SPATA7: variants seen among roughly 807,000 people sequenced by gnomAD.
SPATA7 encodes spermatogenesis-associated protein 7.
In SPATA7, 43 loss-of-function variants were observed where a neutral mutation model predicts 51.8. The observed-to-expected ratio is 0.83, with a 90% CI of 0.65 to 1.07. The LOEUF (loss-of-function observed/expected upper bound fraction) is 1.07, where lower values mean the gene tolerates loss of function less well. SPATA7 is among the 50% of genes least tolerant of loss of function. SPATA7 has a pLI of 0.00. For synonymous variants in SPATA7, 230 were observed against 252.8 expected, an observed-to-expected ratio of 0.91 and a Z score of 0.86; for missense variants, 683 against 701.3, an observed-to-expected ratio of 0.97 and a Z score of 0.30.
At chr14:88,439,052 A>G (rs982973753), downstream of SPATA7, among the ~76,000 whole-genome samples, 1 of 152,176 alleles carries the variant, frequency 6.6e-6, no homozygotes, top group African/African-American at 2.4e-5. Flanking sequence ...TGCTGGCCAC[A>G]ATTTCTAAAA....
chr14:88,464,055 GGTCT>G (rs1210996636), intron 4 of SPATA7, among the ~76,000 whole-genome samples: 2 of 151,876 alleles, frequency 1.3e-5, no homozygotes, highest in Non-Finnish European at 2.9e-5. Context: ...TGGCCAGGCT[GGTCT>G]CATACTCCTG....
chr14:88,437,050 T>A (rs2077108371), intron 10 of SPATA7, among the ~76,000 whole-genome samples: 1 of 151,926 alleles, frequency 6.6e-6, no homozygotes, highest in Non-Finnish European at 1.5e-5. Context: ...ATTCTTCCAA[T>A]CCATGAATTT....
Position 88,417,058 on chromosome 14 carries a change from G to A in SPATA7, c.372+214G>A, listed in dbSNP as rs369763876. On this transcript the variant is annotated intron_variant, in intron 5 of 11. Coordinates refer to ENST00000393545, the MANE Select transcript of SPATA7 (RefSeq NM_018418.5). ...AGTACATAAATAAATGAGTATAGCCGTGTTCTGCTGAAACTTTATTAACTG... is the reference window on the plus strand; with the variant it reads ...AGTACATAAATAAATGAGTATAGCCATGTTCTGCTGAAACTTTATTAACTG... 6.6e-5 allele frequency among the ~76,000 whole-genome samples: 10 copies of A among 152,176 alleles called. No individual in the cohort carries two copies. The East Asian group carries it at 1.7e-3, about 26-fold the overall frequency.
chr14:88,428,419 G>A (rs2076854286), intron 7 of SPATA7: 1 of 152,132 alleles, frequency 6.6e-6, no homozygotes, highest in African/African-American at 2.4e-5. Flanking sequence ...ATGGGTAGAA[G>A]GTGGTAGTTT....
At chr14:88,439,331 C>T (rs568355632), downstream of SPATA7, among the ~76,000 whole-genome samples, 22 of 152,060 alleles carry the variant, frequency 1.4e-4, no homozygotes, top group South Asian at 4.6e-3. Flanking sequence ...AACATTTAGT[C>T]AGACCTGTCT....
At chr14:88,448,104 C>T (rs1164953821) in intron 3 of SPATA7, among the ~76,000 whole-genome samples, 3 of 152,100 alleles carry the variant, frequency 2.0e-5, no homozygotes, top group Non-Finnish European at 4.4e-5. Flanking sequence ...CCATTCTCCC[C>T]GTCACTTTCA....
At chr14:88,462,196 A>T (rs1350249778) in intron 4 of SPATA7, among the ~76,000 whole-genome samples, 6 of 152,228 alleles carry the variant, frequency 3.9e-5, no homozygotes, top group Non-Finnish European at 8.8e-5. Context: ...GGATAAAAAA[A>T]TTTGGACCGT....
At chr14:88,455,442 T>C (rs1005092335), downstream of SPATA7, among the ~76,000 whole-genome samples, 1 of 152,214 alleles carries the variant, frequency 6.6e-6, no homozygotes, top group Admixed American at 6.5e-5. Context: ...ATAGAGGCAG[T>C]AGCTTTAATT....
At chr14:88,416,466 ATT>A in intron 4 of SPATA7, 1 of 121,510 alleles carries the variant, frequency 8.2e-6, no homozygotes, top group South Asian at 1.8e-4. Flanking sequence ...TGTTTGTATT[ATT>A]TAAATAGTTA....
intron 1 of SPATA7, among the ~76,000 whole-genome samples, chr14:88,388,576 T>C (rs2075647749): frequency 6.6e-6 from 1 of 152,168 alleles, no homozygotes; most frequent in African/African-American, 2.4e-5. Flanking sequence ...AGAATTGTTA[T>C]ACTTTCATAA....
chr14:88,394,861 C>T (rs2075839976), intron 3 of SPATA7, among the ~76,000 whole-genome samples: 1 of 152,068 alleles, frequency 6.6e-6, no homozygotes, highest in African/African-American at 2.4e-5. Flanking sequence ...TTTTAGTTTG[C>T]ATTTCCCTGA....
chr14:88,428,577 G>A (rs1321878223), intron 7 of SPATA7: 1 of 152,132 alleles, frequency 6.6e-6, no homozygotes, highest in African/African-American at 2.4e-5. Flanking sequence ...AATGATGTAG[G>A]CAAAGTGCCT....
intron 10 of SPATA7, among the ~76,000 whole-genome samples, chr14:88,433,649 G>A (rs1027782311): frequency 6.6e-6 from 1 of 152,126 alleles, no homozygotes; most frequent in Non-Finnish European, 1.5e-5. Context: ...AAGTTAAATG[G>A]AAAGTTTGCA....
At chr14:88,451,444 C>T (rs536010293) in intron 3 of SPATA7, among the ~76,000 whole-genome samples, 1 of 150,510 alleles carries the variant, frequency 6.6e-6, no homozygotes, top group Non-Finnish European at 1.5e-5. Flanking sequence ...GCTGGGATTG[C>T]AGGCGTGAGC....
At chr14:88,431,346 A>G in intron 9 of SPATA7, 121 bp downstream of exon 9, 1 of 942,352 alleles carries the variant, frequency 1.1e-6, no homozygotes, top group South Asian at 1.3e-5. Flanking sequence ...GCAAGTAATA[A>G]ATGTACATAT....
intron 2 of SPATA7, among the ~76,000 whole-genome samples, chr14:88,392,213 A>T (rs2075764540): frequency 6.6e-6 from 1 of 152,218 alleles, no homozygotes; most frequent in Non-Finnish European, 1.5e-5. Flanking sequence ...AATTTTAAAT[A>T]AAAAGTTAAA....
At chr14:88,459,139 C>A (rs1016066962), downstream of SPATA7, among the ~76,000 whole-genome samples, 3 of 152,126 alleles carry the variant, frequency 2.0e-5, no homozygotes, top group Non-Finnish European at 2.9e-5. Context: ...GCTTTACTTC[C>A]AGCTATGTGG....
At chr14:88,416,409 C>CTTTTTTTTTTTTTTTTTTTTTTTT (rs536916579) in intron 4 of SPATA7, 1 of 120,714 alleles carries the variant, frequency 8.3e-6, no homozygotes, top group Non-Finnish European at 1.6e-5. Context: ...TGTTGGCATT[C>CTTTTTTTTTTTTTTTTTTTTTTTT]TTTTTTTTTT....
exon 5 of SPATA7, chr14:88,470,075 A>G: frequency 6.2e-7 from 1 of 1,607,216 alleles, no homozygotes; most frequent in Non-Finnish European, 8.5e-7. Flanking sequence ...GGTTAAAAAA[A>G]TTGATGTGTG....
Sources: gnomAD v4.1 joint callset for allele counts (sites outside exome capture counted in the v4.1 genomes callset) on GRCh38, gnomAD v4.1.1 for gene constraint, MANE v1.5 for transcripts, NCBI Gene and HGNC (gene_info 2026-07-23, HGNC 2026-07-21) for gene names.